Variants in ANKS1B observed in about 807,000 individuals in gnomAD.
ANKS1B encodes ankyrin repeat and sterile alpha motif domain-containing protein 1B.
A neutral mutation model predicts 148.3 loss-of-function variants in ANKS1B; 36 were observed. That is an observed-to-expected ratio of 0.24 (90% CI 0.19 to 0.32). The LOEUF (loss-of-function observed/expected upper bound fraction) is 0.32. Among genes scored for constraint, ANKS1B ranks in the 10% least tolerant of loss-of-function variants. The pLI is 1.00. For synonymous variants in ANKS1B, 542 were observed against 560.8 expected, an observed-to-expected ratio of 0.97 and a Z score of 0.47; for missense variants, 1,157 against 1,542.6, an observed-to-expected ratio of 0.75 and a Z score of 4.19.
intron 25 of ANKS1B, among the ~76,000 whole-genome samples, chr12:98,753,962 T>A (rs2098164641): frequency 1.3e-5 from 2 of 152,164 alleles, no homozygotes; most frequent in South Asian, 4.1e-4. Context: ...GGATGGTGCC[T>A]TCTGAGGCCA....
At chr12:99,623,410 A>G (rs781502750) in intron 9 of ANKS1B, among the ~76,000 whole-genome samples, 16 of 152,040 alleles carry the variant, frequency 1.1e-4, no homozygotes, top group Admixed American at 5.9e-4. Context: ...AGCCAGAGAA[A>G]TCAGGCAAGA....
intron 1 of ANKS1B, among the ~76,000 whole-genome samples, chr12:99,848,057 A>G (rs2086996698): frequency 3.9e-5 from 6 of 152,074 alleles, no homozygotes; most frequent in Admixed American, 3.9e-4. Context: ...ATGGTGAATG[A>G]GACTGAGAGC....
At chr12:99,027,075 A>G (rs2099949176) in intron 17 of ANKS1B, among the ~76,000 whole-genome samples, 1 of 152,234 alleles carries the variant, frequency 6.6e-6, no homozygotes, top group Non-Finnish European at 1.5e-5. Context: ...CTCAAATAAT[A>G]GAGATCCAGA....
chr12:99,429,590 A>C (rs1434480650), intron 11 of ANKS1B, among the ~76,000 whole-genome samples: 1 of 152,238 alleles, frequency 6.6e-6, no homozygotes. Context: ...TCTTAAGGTT[A>C]AATGGTAGTA....
intron 17 of ANKS1B, among the ~76,000 whole-genome samples, chr12:98,879,378 T>G (rs2099700451): frequency 6.6e-6 from 1 of 152,232 alleles, no homozygotes; most frequent in African/African-American, 2.4e-5. Flanking sequence ...TTTAGTAATT[T>G]TCCCAAAAGC....
At chr12:99,790,583 AAGAG>A (rs2153643861) in intron 4 of ANKS1B, among the ~76,000 whole-genome samples, 1 of 152,260 alleles carries the variant, frequency 6.6e-6, no homozygotes, top group East Asian at 1.9e-4. Flanking sequence ...ATAAGACATA[AAGAG>A]AAACAACAAA....
chr12:99,485,368 C>A (rs1220829040), intron 10 of ANKS1B, among the ~76,000 whole-genome samples: 2 of 152,110 alleles, frequency 1.3e-5, no homozygotes, highest in Non-Finnish European at 2.9e-5. Context: ...CAGGTTTCTG[C>A]TGTTAGTCTG....
At chr12:98,880,725 G>A (rs1240119666) in intron 17 of ANKS1B, among the ~76,000 whole-genome samples, 3 of 151,958 alleles carry the variant, frequency 2.0e-5, no homozygotes, top group South Asian at 4.2e-4. Context: ...CCGAGATCGC[G>A]CCACTGCACT....
intron 15 of ANKS1B, among the ~76,000 whole-genome samples, chr12:99,125,264 A>G (rs1424793501): frequency 6.6e-6 from 1 of 152,246 alleles, no homozygotes; most frequent in Non-Finnish European, 1.5e-5. Flanking sequence ...TTAAGCAAAC[A>G]TCTACCATGT....
intron 12 of ANKS1B, among the ~76,000 whole-genome samples, chr12:99,302,360 A>G (rs1258493468): frequency 6.6e-6 from 1 of 152,168 alleles, no homozygotes; most frequent in African/African-American, 2.4e-5. Flanking sequence ...TGCATTACAC[A>G]AAAGAATGTA....
chr12:99,740,735 C>A (rs973278866), intron 8 of ANKS1B, among the ~76,000 whole-genome samples: 3 of 152,120 alleles, frequency 2.0e-5, no homozygotes, highest in Non-Finnish European at 1.5e-5. Context: ...ACAGAGGGTG[C>A]AGCCCATGGA....
intron 1 of ANKS1B, among the ~76,000 whole-genome samples, chr12:99,861,154 G>A (rs1301448665): frequency 2.0e-5 from 3 of 152,182 alleles, no homozygotes; most frequent in Non-Finnish European, 4.4e-5. Flanking sequence ...GTCCATAAAT[G>A]CAGCTTGCCC....
intron 12 of ANKS1B, among the ~76,000 whole-genome samples, chr12:99,364,874 G>C (rs908491518): frequency 6.6e-6 from 1 of 152,128 alleles, no homozygotes; most frequent in Non-Finnish European, 1.5e-5. Context: ...GATAGACAAG[G>C]GTCCTAGGGG....
At chr12:99,506,521 C>A (rs1003471728) in intron 9 of ANKS1B, among the ~76,000 whole-genome samples, 2 of 151,916 alleles carry the variant, frequency 1.3e-5, no homozygotes, top group African/African-American at 4.8e-5. Flanking sequence ...ATTCTGAAAC[C>A]ATGTCAGAGA....
At chr12:99,359,163 G>T (rs1593040502) in intron 12 of ANKS1B, among the ~76,000 whole-genome samples, 1 of 151,916 alleles carries the variant, frequency 6.6e-6, no homozygotes, top group Non-Finnish European at 1.5e-5. Context: ...TATCTCATTT[G>T]GTTTGGAAGC....
chr12:99,823,097 A>T (rs1386078335), intron 2 of ANKS1B, among the ~76,000 whole-genome samples: 1 of 152,132 alleles, frequency 6.6e-6, no homozygotes, highest in African/African-American at 2.4e-5. Context: ...TTCTTTTAAG[A>T]AGTGTCTGTT....
At chr12:98,965,398 A>T (rs2099876972) in intron 17 of ANKS1B, among the ~76,000 whole-genome samples, 1 of 152,202 alleles carries the variant, frequency 6.6e-6, no homozygotes, top group Non-Finnish European at 1.5e-5. Flanking sequence ...GCTCATTGCA[A>T]GTGTCACTTA....
At chr12:99,596,794 T>C (rs1328335529) in intron 9 of ANKS1B, among the ~76,000 whole-genome samples, 2 of 151,898 alleles carry the variant, frequency 1.3e-5, no homozygotes, top group Non-Finnish European at 2.9e-5. Flanking sequence ...CTCATGTAGG[T>C]CTTTAATTTC....
At chr12:98,899,827 C>A (rs1343231750) in intron 17 of ANKS1B, among the ~76,000 whole-genome samples, 1 of 152,012 alleles carries the variant, frequency 6.6e-6, no homozygotes, top group African/African-American at 2.4e-5. Flanking sequence ...TTAAATTAAC[C>A]CTTATTGAAC....
Sources: gnomAD v4.1 joint callset for allele counts (sites outside exome capture counted in the v4.1 genomes callset) on GRCh38, gnomAD v4.1.1 for gene constraint, MANE v1.5 for transcripts, NCBI Gene and HGNC (gene_info 2026-07-23, HGNC 2026-07-21) for gene names.